RBM25: variants seen among roughly 807,000 people sequenced by gnomAD.
RBM25 encodes the protein RNA binding motif protein 25, also known as RNA-binding protein 25.
Under a neutral mutation model 120.7 loss-of-function variants are expected in RBM25, and 19 were observed. The observed-to-expected ratio is 0.16, with a 90% confidence interval of 0.11 to 0.23. The LOEUF is 0.23. RBM25 is among the 10% of genes least tolerant of loss of function. The probability of loss-of-function intolerance (pLI) is 1.00; values close to 1 mark genes in which losing one functional copy is unlikely to be tolerated. For synonymous variants in RBM25, 390 were observed against 326.7 expected (o/e 1.19, Z -2.09); for missense variants, 605 against 1,041.5 (o/e 0.58, Z 5.77).
chr14:73,113,692 C>T (rs1013579202), intron 17 of RBM25, among the ~76,000 whole-genome samples: 3 of 150,074 alleles, frequency 2.0e-5, no homozygotes, highest in African/African-American at 7.4e-5. Flanking sequence ...GACTCTGTCT[C>T]AAAATAAAAA....
intron 2 of RBM25, among the ~76,000 whole-genome samples, chr14:73,075,218 A>G (rs1166645365): frequency 6.6e-5 from 10 of 151,562 alleles, no homozygotes; most frequent in Admixed American, 5.3e-4. Flanking sequence ...CTGGAGTGCA[A>G]TGGTGTGATC....
intron 4 of RBM25, 31 bp downstream of exon 4, chr14:73,077,567 A>T (rs747517136): frequency 2.5e-5 from 38 of 1,515,932 alleles, no homozygotes; most frequent in Middle Eastern, 3.5e-4. Context: ...TTCATTAAAA[A>T]TTTTTTTATC....
Position 73,109,367 on chromosome 14 carries a change from C to T in RBM25, c.1567C>T (p.Arg523Cys), listed in dbSNP as rs140939982. 2.5e-6 allele frequency: 4 copies of T among 1,613,176 alleles called. No individual in the cohort carries two copies. Among genetic ancestry groups the T allele is most frequent in the East Asian group, 2.2e-5 (1 of 44,822 alleles). The change falls in exon 14 of 19, where the codon CGT becomes TGT. Residue 523 changes from arginine to cysteine, a missense_variant. By Grantham distance (180) the Arg-to-Cys change is radical (BLOSUM62 -3). This residue lies in a region of RBM25 where 465 missense variants were observed against 741.6 expected (regional missense o/e 0.63). Coordinates refer to ENST00000261973, the MANE Select transcript of RBM25 (RefSeq NM_021239.3). The part of the protein sequence containing the change: ...YRGSALQKRL[R>C]DREKEMEADE... The stretch of plus-strand genomic sequence containing the variant: ...AGGAAGTGCTCTTCAGAAAAGGTTG[C>T]GTGATAGAGAAAAGGAAATGGAAGC...
Position 73,113,144 on chromosome 14 carries a change from G to A in RBM25, c.2391+894G>A, listed in dbSNP as rs542195530. Among the ~76,000 whole-genome samples the A allele has an allele frequency of 3.0e-3, 459 of 151,900 alleles. 1 individual carries two copies. Among genetic ancestry groups the A allele is most frequent in the Non-Finnish European group, 5.7e-3 (385 of 67,950 alleles). On this transcript the variant is annotated intron_variant, in intron 17 of 18. Coordinates refer to ENST00000261973, the MANE Select transcript of RBM25 (RefSeq NM_021239.3). ...CTCTCCCTCCCCTAGCTCCCCACCCGCCGACAGGCCCAGCTGTGTGATGTT... is the reference window on the plus strand; with the variant it reads ...CTCTCCCTCCCCTAGCTCCCCACCCACCGACAGGCCCAGCTGTGTGATGTT...
chr14:73,065,976 A>G (rs1403202262), intron 1 of RBM25, among the ~76,000 whole-genome samples: 2 of 152,196 alleles, frequency 1.3e-5, no homozygotes, highest in African/African-American at 4.8e-5. Flanking sequence ...CCATTGCTAG[A>G]ATATAGTATG....
intron 10 of RBM25, 136 bp downstream of exon 10, chr14:73,103,614 G>A: frequency 7.7e-7 from 1 of 1,298,048 alleles, no homozygotes; most frequent in Non-Finnish European, 1.0e-6. Context: ...CACTCAGCCT[G>A]GACTGCAGTG....
chr14:73,117,210 C>CTTTT lies in RBM25; in HGVS notation c.2440-2472_2440-2469dup, dbSNP rs71112704. Among the ~76,000 whole-genome samples the CTTTT allele has an allele frequency of 2.7e-3, 134 of 49,382 alleles. 8 individuals carry two copies. The highest frequency in any genetic ancestry group is 3.3e-3 in the Non-Finnish European group (90 of 27,314). The allele number at this position is 49,382 out of a possible 152,430, so 32.4% of individuals were successfully genotyped here. The stretch of plus-strand genomic sequence containing the variant: ...TTTCTTTTAATTTCTTTCTTCTTTT[C>CTTTT]TTTTTTTTTTTTTTTTTTTTTTTTT... On this transcript the variant is annotated intron_variant, in intron 18 of 18. Transcript: ENST00000261973.
In RBM25 at chr14:73,109,995, G is replaced by C. The variant is rs143439356; in HGVS notation, c.1692+503G>C. On this transcript the variant is annotated intron_variant, in intron 14 of 18. Coordinates refer to ENST00000261973, the MANE Select transcript of RBM25 (RefSeq NM_021239.3). ...CACTTCCCAGGCTCCAGGGATTCTC[G>C]TGCCTCAGCCTCCTGAGTAGCTGGG... 4.6e-5 allele frequency among the ~76,000 whole-genome samples: 7 copies of C among 151,348 alleles called. No individual in the cohort carries two copies. In the East Asian group the frequency reaches 9.8e-4, roughly 21 times the overall value.
intron 5 of RBM25, among the ~76,000 whole-genome samples, chr14:73,084,537 G>GTTTGT (rs201871856): frequency 0.016 from 2,425 of 151,960 alleles, 43 homozygotes; most frequent in East Asian, 0.048. Context: ...CTGTGTGGTG[G>GTTTGT]TTTGTTTTGT....
chr14:73,090,461 T>C (rs1036861260), intron 6 of RBM25, among the ~76,000 whole-genome samples: 1 of 152,190 alleles, frequency 6.6e-6, no homozygotes, highest in Admixed American at 6.5e-5. Context: ...CAGTCTTCCC[T>C]TTTGCTTTGC....
At chr14:73,080,540 T>A (rs1594906711) in intron 4 of RBM25, among the ~76,000 whole-genome samples, 1 of 152,122 alleles carries the variant, frequency 6.6e-6, no homozygotes, top group Non-Finnish European at 1.5e-5. Context: ...ACATCTTTTT[T>A]AACAATTGGT....
rs1194869430 is a variant in RBM25, at chr14:73,119,966, A to ACT, written c.*163_*164dup. ...CCTCTAATTTGTTGTTGCCCTGTGT[A>ACT]CTCCCTTGGTTGTAAAGTCATCTGA... is the stretch of plus-strand genomic sequence containing the variant. On this transcript the variant is annotated 3_prime_UTR_variant, in exon 19 of 19. Transcript: ENST00000261973. The ACT allele has an allele frequency of 4.1e-5, 44 of 1,066,324 alleles. No individual in the cohort carries two copies. In the East Asian group the frequency reaches 4.2e-4, roughly 10 times the overall value. The allele number at this position is 1,066,324 out of a possible 1,614,324, so 66.1% of individuals were successfully genotyped here. A position where few individuals can be genotyped will look rare whatever the true frequency, so the allele number is the denominator to read the frequency against.
chr14:73,103,130 G>A (rs1463006061), intron 9 of RBM25, 62 bp from the exon 10 acceptor site: 23 of 1,554,946 alleles, frequency 1.5e-5, no homozygotes, highest in South Asian at 5.0e-5. Flanking sequence ...GCTTTGCGCC[G>A]GGAAAAATCT....
chr14:73,104,113 C>T (rs1246700063), intron 10 of RBM25, among the ~76,000 whole-genome samples: 1 of 152,040 alleles, frequency 6.6e-6, no homozygotes, highest in Non-Finnish European at 1.5e-5. Flanking sequence ...TCTGGGCAGA[C>T]ATGACTCCCT....
chr14:73,107,689 T>A, intron 12 of RBM25, 137 bp from the exon 13 acceptor site: 2 of 671,474 alleles, frequency 3.0e-6, no homozygotes, highest in Non-Finnish European at 5.2e-6. Flanking sequence ...TAAAATTATG[T>A]GAAGAGAAAT....
At chr14:73,077,258 T>TTAAA (rs1895444046) in intron 3 of RBM25, 111 bp from the exon 4 acceptor site, 1 of 941,068 alleles carries the variant, frequency 1.1e-6, no homozygotes, top group Non-Finnish European at 1.5e-6. Context: ...CATGCAGAGC[T>TTAAA]TAAATAATGT....
chr14:73,099,265 A>G (rs921606317), intron 7 of RBM25, 115 bp from the exon 8 acceptor site: 3 of 893,634 alleles, frequency 3.4e-6, no homozygotes, highest in African/African-American at 3.5e-5. Context: ...TCAAGAAAGC[A>G]TCACAGAAGT....
At chr14:73,112,275 C>G (rs1278104374) in intron 17 of RBM25, 25 bp downstream of exon 17, 2 of 1,532,328 alleles carry the variant, frequency 1.3e-6, no homozygotes, top group Non-Finnish European at 1.7e-6. Context: ...CTCTTCCATG[C>G]CAGCATTTAT....
chr14:73,078,597 G>T (rs1305317732), intron 4 of RBM25, among the ~76,000 whole-genome samples: 1 of 152,110 alleles, frequency 6.6e-6, no homozygotes, highest in Non-Finnish European at 1.5e-5. Flanking sequence ...TTTCATCCAT[G>T]ATCCAATGAA....
Sources: gnomAD v4.1 joint callset for allele counts (sites outside exome capture counted in the v4.1 genomes callset) on GRCh38, gnomAD v4.1.1 for gene constraint, gnomAD v4.1.1 regional missense constraint, MANE v1.5 for transcripts, NCBI Gene and HGNC (gene_info 2026-07-23, HGNC 2026-07-21) for gene names.